Variants in ELMOD1 observed in about 807,000 individuals in gnomAD.
ELMOD1 encodes the protein ELMO domain-containing protein 1.
A neutral mutation model predicts 46.7 loss-of-function variants in ELMOD1; 21 were observed. The ratio of observed to expected loss-of-function variants is 0.45; its 90% CI spans 0.32 to 0.65. ELMOD1 has a LOEUF of 0.65. Among genes scored for constraint, ELMOD1 ranks in the 30% least tolerant of loss-of-function variants. The pLI, the probability that ELMOD1 is intolerant of heterozygous loss-of-function variation, is 0.04. For missense variants in ELMOD1, 348 were observed against 407.8 expected (o/e 0.85, Z 1.26); for synonymous variants, 122 against 138.2 (o/e 0.88, Z 0.82).
intron 1 of ELMOD1, among the ~76,000 whole-genome samples, chr11:107,611,038 TCTGGATATCAGC>T (rs1865772745): frequency 6.8e-6 from 1 of 147,664 alleles, no homozygotes; most frequent in Non-Finnish European, 1.5e-5. Context: ...GGAACATCAT[TCTGGATATCAGC>T]CTTGGGAAAG....
At chr11:107,616,622 G>T (rs1273311403) in intron 1 of ELMOD1, among the ~76,000 whole-genome samples, 1 of 152,150 alleles carries the variant, frequency 6.6e-6, no homozygotes, top group Non-Finnish European at 1.5e-5. Flanking sequence ...CAAGTGATCT[G>T]CCTGCCTCGG....
chr11:107,614,673 C>G (rs1439502718), intron 1 of ELMOD1, among the ~76,000 whole-genome samples: 1 of 152,130 alleles, frequency 6.6e-6, no homozygotes, highest in African/African-American at 2.4e-5. Flanking sequence ...CTGATCATGT[C>G]ACATCTCAGC....
intron 2 of ELMOD1, 40 bp downstream of exon 2, chr11:107,618,246 G>T: frequency 6.4e-7 from 1 of 1,551,686 alleles, no homozygotes; most frequent in Admixed American, 2.0e-5. Flanking sequence ...CTCTGCAGTG[G>T]GAGAAACCTC....
At chr11:107,631,798 G>A (rs1271436003) in intron 5 of ELMOD1, 121 bp downstream of exon 5, 3 of 531,124 alleles carry the variant, frequency 5.6e-6, no homozygotes, top group Admixed American at 4.1e-5. Context: ...CATCTGCCAT[G>A]TTTTGACTTT....
At chr11:107,641,876 T>A (rs185653652) in intron 6 of ELMOD1, among the ~76,000 whole-genome samples, 12 of 148,302 alleles carry the variant, frequency 8.1e-5, no homozygotes, top group Admixed American at 2.7e-4. Flanking sequence ...ATATCTAAAC[T>A]CAGAGGTAAA....
At chr11:107,612,376 G>A (rs1865794948) in intron 1 of ELMOD1, among the ~76,000 whole-genome samples, 1 of 152,134 alleles carries the variant, frequency 6.6e-6, no homozygotes, top group Non-Finnish European at 1.5e-5. Flanking sequence ...GAGGAGGGGA[G>A]CAAAGGTTGA....
chr11:107,592,656 G>C, intron 1 of ELMOD1: 1 of 243,464 alleles, frequency 4.1e-6, no homozygotes, highest in Non-Finnish European at 8.5e-6. Flanking sequence ...ATCTACATTG[G>C]GAGGTATTTC....
At chr11:107,612,031 GAAAAT>G (rs961579860) in intron 1 of ELMOD1, among the ~76,000 whole-genome samples, 4 of 152,120 alleles carry the variant, frequency 2.6e-5, no homozygotes, top group African/African-American at 9.7e-5. Context: ...ATATCCAAAA[GAAAAT>G]AAATCATTCG....
Position 107,654,242 on chromosome 11 carries a change from T to C in ELMOD1, c.698+20T>C, listed in dbSNP as rs17669207. On this transcript the variant is annotated intron_variant, in intron 10 of 11. Transcript: ENST00000265840. ...AATTGGGTGAGTATGGGATCTCACATGGAAAGATGGTCCGTCTGAAACAGA... is the reference window on the plus strand; with the variant it reads ...AATTGGGTGAGTATGGGATCTCACACGGAAAGATGGTCCGTCTGAAACAGA... The C allele has an allele frequency of 0.048, 75,737 of 1,579,792 alleles. 2,251 individuals are homozygous for C. The highest frequency in any genetic ancestry group is 0.057 in the Non-Finnish European group (65,947 of 1,160,790).
At chr11:107,621,432 T>G (rs1865946237) in intron 2 of ELMOD1, among the ~76,000 whole-genome samples, 1 of 152,222 alleles carries the variant, frequency 6.6e-6, no homozygotes, top group African/African-American at 2.4e-5. Context: ...CAAATTGGAT[T>G]TTTAAGTCAT....
chr11:107,618,131 T>G lies in ELMOD1; in HGVS notation c.-59T>G. 1 of 1,546,300 alleles carries G rather than the reference T, an allele frequency of 6.5e-7. No homozygotes were observed. Among genetic ancestry groups the G allele is most frequent in the Non-Finnish European group, 8.8e-7 (1 of 1,140,984 alleles). On this transcript the variant is annotated 5_prime_UTR_variant, in exon 2 of 12. Coordinates refer to ENST00000265840, the MANE Select transcript of ELMOD1 (RefSeq NM_018712.4). The stretch of plus-strand genomic sequence containing the variant: ...TGACACTTACTTTGACAAAGGCAAA[T>G]TTGGAAGCAATTACTTGAGGACAGT...
At chr11:107,622,607 T>C (rs751165957) in intron 2 of ELMOD1, among the ~76,000 whole-genome samples, 15 of 152,218 alleles carry the variant, frequency 9.9e-5, no homozygotes, top group Non-Finnish European at 1.9e-4. Flanking sequence ...CATAGTTCAT[T>C]GAGGCAAATT....
chr11:107,611,704 C>CAAAAA (rs71470853), intron 1 of ELMOD1, among the ~76,000 whole-genome samples: 9 of 55,788 alleles, frequency 1.6e-4, no homozygotes, highest in Admixed American at 7.2e-4. Flanking sequence ...GACTCCATCT[C>CAAAAA]AAAAAAAAAA....
intron 10 of ELMOD1, among the ~76,000 whole-genome samples, chr11:107,655,488 T>C (rs1866611179): frequency 6.6e-6 from 1 of 151,518 alleles, no homozygotes; most frequent in Non-Finnish European, 1.5e-5. Flanking sequence ...AGTCAAGGTT[T>C]TGATAGGGTG....
intron 2 of ELMOD1, among the ~76,000 whole-genome samples, chr11:107,620,693 A>G (rs910873964): frequency 6.6e-6 from 1 of 152,140 alleles, no homozygotes; most frequent in Non-Finnish European, 1.5e-5. Context: ...TGGTGAAACC[A>G]TCTCTACTAA....
chr11:107,601,762 A>G (rs1865603229), intron 1 of ELMOD1, among the ~76,000 whole-genome samples: 1 of 152,110 alleles, frequency 6.6e-6, no homozygotes, highest in Admixed American at 6.6e-5. Context: ...ATTAATGAAT[A>G]TCCCAAATTT....
At chr11:107,658,354 T>C (rs1389720101) in intron 11 of ELMOD1, among the ~76,000 whole-genome samples, 1 of 152,222 alleles carries the variant, frequency 6.6e-6, no homozygotes, top group Non-Finnish European at 1.5e-5. Context: ...ACATATACTT[T>C]ACAACTTGTT....
At chr11:107,609,824 G>A (rs117718922) in intron 1 of ELMOD1, among the ~76,000 whole-genome samples, 138 of 152,264 alleles carry the variant, frequency 9.1e-4, no homozygotes, top group Non-Finnish European at 1.6e-3. Flanking sequence ...GATGAGTTCA[G>A]GCCAATGTCC....
At chr11:107,631,397 AC>A (rs10539761) in intron 4 of ELMOD1, among the ~76,000 whole-genome samples, 182 bp from the exon 5 acceptor site, 37,932 of 133,428 alleles carry the variant, frequency 0.28, 6,455 homozygotes, top group East Asian at 0.42. Flanking sequence ...AAATTGCACT[AC>A]CCCCCCCCCC....
Sources: gnomAD v4.1 joint callset for allele counts (sites outside exome capture counted in the v4.1 genomes callset) on GRCh38, gnomAD v4.1.1 for gene constraint, MANE v1.5 for transcripts, NCBI Gene and HGNC (gene_info 2026-07-23, HGNC 2026-07-21) for gene names.